The following PCDHA9 variants were observed in gnomAD, a reference collection of about 807,000 sequenced individuals.
PCDHA9 encodes protocadherin alpha 9.
In PCDHA9, 62 loss-of-function variants were observed where a neutral mutation model predicts 62.0. The ratio of observed to expected loss-of-function variants is 1.00; its 90% CI spans 0.81 to 1.23. The LOEUF (loss-of-function observed/expected upper bound fraction) is 1.23. Ranked by LOEUF, PCDHA9 falls within the 50% of genes most tolerant of loss-of-function variation. The pLI is 0.00. For missense variants in PCDHA9, 1,205 were observed against 1,249.8 expected, an observed-to-expected ratio of 0.96 and a Z score of 0.54; for synonymous variants, 557 against 567.6, an observed-to-expected ratio of 0.98 and a Z score of 0.27.
chr5:140,965,942 C>G (rs2095950444), intron 1 of PCDHA9, among the ~76,000 whole-genome samples: 2 of 152,330 alleles, frequency 1.3e-5, no homozygotes, highest in Admixed American at 1.3e-4. Flanking sequence ...AAGAGGGCAG[C>G]ATTTGCCATC....
rs2150492739 is a variant in PCDHA9 at position 140,850,664 on chromosome 5, C to G, written c.2169C>G (p.Cys723Trp). Residue 723 changes from cysteine (C) to tryptophan (W), a missense_variant, in exon 1 of 4, where the codon TGC (cysteine) becomes TGG (tryptophan). This residue lies in a region of PCDHA9 where 887 missense variants were observed against 809.5 expected (regional missense o/e 1.10). Coordinates refer to ENST00000532602, the MANE Select transcript of PCDHA9 (RefSeq NM_031857.2). Reference sequence around the variant, plus strand: ...TGCTGCTGTACACTGTGCTGCGGTGCTCGGCGATGCCCACCGAGGGCGAGT... The same window carrying G: ...TGCTGCTGTACACTGTGCTGCGGTGGTCGGCGATGCCCACCGAGGGCGAGT... Reference protein sequence around the residue: ...LTLLLYTVLRCSAMPTEGECA... With the variant: ...LTLLLYTVLRWSAMPTEGECA... 4.4e-6 allele frequency: 7 copies of G among 1,598,280 alleles called. No individual in the cohort carries two copies. In the African/African-American group the frequency reaches 9.4e-5, roughly 22 times the overall value.
At position 140,850,689 on chromosome 5, in the gene PCDHA9, T is replaced by C; in HGVS notation, c.2194T>C (p.Cys732Arg). ...CTCGGCGATGCCCACCGAGGGCGAG[T>C]GCGCGCCTGGCAAGCCGACGCTGGT... ...RCSAMPTEGE[C>R]APGKPTLVCS... is the part of the protein sequence containing the mutation. The change falls in exon 1 of 4, where the codon TGC (cysteine) becomes CGC (arginine). Residue 732 changes from cysteine (C) to arginine (R), a missense_variant. Physicochemically the swap from Cys to Arg is radical, Grantham distance 180. Coordinates refer to ENST00000532602, the MANE Select transcript of PCDHA9 (RefSeq NM_031857.2). The C allele has an allele frequency of 2.5e-6, 4 of 1,594,932 alleles. No individual in the cohort carries two copies. Among genetic ancestry groups the C allele is most frequent in the South Asian group, 1.1e-5 (1 of 90,238 alleles).
At chr5:140,969,346 AG>A (rs2096322383) in intron 1 of PCDHA9, 1 of 1,613,510 alleles carries the variant, frequency 6.2e-7, no homozygotes, top group African/African-American at 1.3e-5. Flanking sequence ...GACAGTGGTC[AG>A]GGGGTCTTCT....
rs1374109552 is a variant in PCDHA9 at position 141,010,068 on chromosome 5, T to C, written c.*131T>C. On this transcript the variant is annotated 3_prime_UTR_variant, in exon 4 of 4. Transcript: ENST00000532602. ...AGAGACCTCAGAAATCTGCAGAAAGTTCCCTGTGTCTGTCTAGAACGCATT... is the reference window on the plus strand; with the variant it reads ...AGAGACCTCAGAAATCTGCAGAAAGCTCCCTGTGTCTGTCTAGAACGCATT... 4 of 1,604,732 alleles carry C rather than the reference T, an allele frequency of 2.5e-6. No homozygotes were observed. Among genetic ancestry groups the C allele is most frequent in the Non-Finnish European group, 3.4e-6 (4 of 1,175,400 alleles).
At position 140,871,104 on chromosome 5, in the gene PCDHA9, G is replaced by A. The variant is rs377444052; in HGVS notation, c.2394+20215G>A. 1,642 of 1,613,308 alleles carry A rather than the reference G, an allele frequency of 1.0e-3. 2 individuals are homozygous for A. Among genetic ancestry groups the A allele is most frequent in the Non-Finnish European group, 1.0e-3 (1,175 of 1,179,876 alleles). On this transcript the variant is annotated intron_variant, in intron 1 of 3. Coordinates refer to ENST00000532602, the MANE Select transcript of PCDHA9 (RefSeq NM_031857.2). ...CGGCCACGGCCACCGTGCTGGTGTC[G>A]TTGGTGGAGAGCGGACAGGCGCCAA...
At chr5:140,896,811 T>G (rs2065758053) in intron 1 of PCDHA9, among the ~76,000 whole-genome samples, 1 of 152,266 alleles carries the variant, frequency 6.6e-6, no homozygotes, top group African/African-American at 2.4e-5. Flanking sequence ...GGTTGTCTGT[T>G]TACTCTGTTC....
intron 1 of PCDHA9, among the ~76,000 whole-genome samples, chr5:140,933,464 A>G (rs1257783133): frequency 1.3e-5 from 2 of 152,074 alleles, no homozygotes; most frequent in African/African-American, 4.8e-5. Flanking sequence ...TATACTCTGA[A>G]TTCAAACACA....
chr5:140,937,089 G>A (rs2091320544), intron 1 of PCDHA9, among the ~76,000 whole-genome samples: 1 of 149,070 alleles, frequency 6.7e-6, no homozygotes, highest in African/African-American at 2.5e-5. Context: ...CCAGGCTGGA[G>A]TGCAGTGGCG....
chr5:140,989,685 A>G (rs1393246206), intron 3 of PCDHA9, among the ~76,000 whole-genome samples: 2 of 152,186 alleles, frequency 1.3e-5, no homozygotes, highest in Non-Finnish European at 2.9e-5. Context: ...TTTCAAAGGA[A>G]CGTGAAAATT....
chr5:141,007,181 G>A (rs372000063), intron 3 of PCDHA9, among the ~76,000 whole-genome samples: 1 of 152,134 alleles, frequency 6.6e-6, no homozygotes, highest in East Asian at 1.9e-4. Context: ...AAGGTCAGGA[G>A]AATGTTTTGA....
At chr5:140,875,947 GA>G in intron 1 of PCDHA9, 1 of 1,614,184 alleles carries the variant, frequency 6.2e-7, no homozygotes, top group Non-Finnish European at 8.5e-7. Context: ...GGGCGCTTCT[GA>G]TGCGGATATC....
At chr5:140,928,304 AC>A (rs782506310) in intron 1 of PCDHA9, 98 of 1,613,908 alleles carry the variant, frequency 6.1e-5, no homozygotes, top group Non-Finnish European at 7.9e-5. Flanking sequence ...TTTGCCCAGG[AC>A]CCCGACCTGG....
intron 1 of PCDHA9, chr5:140,871,371 G>T: frequency 6.2e-7 from 1 of 1,614,202 alleles, no homozygotes; most frequent in Non-Finnish European, 8.5e-7. Context: ...GGCGGCAGAG[G>T]GTGTGCTCTG....
At chr5:140,976,007 A>G (rs546477565) in intron 1 of PCDHA9, among the ~76,000 whole-genome samples, 55 of 152,354 alleles carry the variant, frequency 3.6e-4, no homozygotes, top group African/African-American at 1.3e-3. Flanking sequence ...TAAGTATTAA[A>G]GAACTAAATA....
At chr5:140,989,619 TC>T (rs2097351060) in intron 3 of PCDHA9, among the ~76,000 whole-genome samples, 1 of 152,196 alleles carries the variant, frequency 6.6e-6, no homozygotes. Flanking sequence ...TGAAAGTCTG[TC>T]CTAGTGACAG....
At chr5:140,903,269 G>A (rs1251669520) in intron 1 of PCDHA9, among the ~76,000 whole-genome samples, 4 of 152,140 alleles carry the variant, frequency 2.6e-5, no homozygotes, top group African/African-American at 4.8e-5. Context: ...CAGGAGTGAG[G>A]TAGTGTCTCA....
At chr5:140,974,098 T>C (rs1316262429) in intron 1 of PCDHA9, among the ~76,000 whole-genome samples, 1 of 152,262 alleles carries the variant, frequency 6.6e-6, no homozygotes, top group Non-Finnish European at 1.5e-5. Flanking sequence ...AATCAAAGGT[T>C]AAAAGTATTC....
chr5:140,884,155 C>T (rs781815602), intron 1 of PCDHA9: 1 of 1,613,430 alleles, frequency 6.2e-7, no homozygotes, highest in Non-Finnish European at 8.5e-7. Flanking sequence ...TGTACACTGG[C>T]GAGATCAGCA....
At chr5:140,926,783 C>T (rs1230665699) in intron 1 of PCDHA9, 2 of 1,410,186 alleles carry the variant, frequency 1.4e-6, no homozygotes, top group Non-Finnish European at 1.8e-6. Flanking sequence ...CAGTGACGGC[C>T]GGCAGGAGCG....
Sources: allele counts gnomAD v4.1 joint callset (sites outside exome capture counted in the v4.1 genomes callset), GRCh38; gene constraint gnomAD v4.1.1; regional missense constraint gnomAD v4.1.1; transcripts MANE v1.5; gene names NCBI Gene and HGNC (gene_info 2026-07-23, HGNC 2026-07-21).